Variants in RASAL1 observed in about 807,000 individuals in gnomAD.
RASAL1 encodes the protein rasGAP-activating-like protein 1.
Under a neutral mutation model 96.6 loss-of-function variants are expected in RASAL1, and 72 were observed. The ratio of observed to expected loss-of-function variants is 0.75; its 90% confidence interval spans 0.62 to 0.91. The LOEUF (loss-of-function observed/expected upper bound fraction) is 0.91, where lower values mean the gene tolerates loss of function less well. Ranked by LOEUF, RASAL1 falls within the 40% of genes least tolerant of loss-of-function variation. RASAL1 has a pLI of 0.00. For synonymous variants in RASAL1, 405 were observed against 430.4 expected, an observed-to-expected ratio of 0.94 and a Z score of 0.73; for missense variants, 1,016 against 1,072.5, an observed-to-expected ratio of 0.95 and a Z score of 0.74.
intron 12 of RASAL1, among the ~76,000 whole-genome samples, chr12:113,114,483 A>G (rs1004299229): frequency 1.2e-4 from 18 of 152,114 alleles, no homozygotes; most frequent in Admixed American, 4.6e-4. Context: ...CAAAAAAAAA[A>G]AAAAAAGAAA....
chr12:113,108,965 G>A (rs767182597), intron 13 of RASAL1, among the ~76,000 whole-genome samples: 24 of 151,082 alleles, frequency 1.6e-4, no homozygotes, highest in Admixed American at 3.3e-4. Flanking sequence ...CTCCCAAGTA[G>A]CTGGGATTAC....
rs552481394 is a variant in RASAL1 at position 113,101,873 on chromosome 12, G to A, written c.2225+16C>T. ...CTGGTCATAGGAGGTGAAGTGGGAT[G>A]GGTGGGGGCACCCACCTGAGCTGGT... On this transcript the variant is annotated intron_variant, in intron 19 of 20. Transcript: ENST00000548055. 1.9e-6 allele frequency: 3 copies of A among 1,610,774 alleles called. No homozygotes were observed. In the African/African-American group the frequency reaches 4.0e-5, roughly 21 times the overall value.
At chr12:113,109,375 G>A (rs1950778496) in intron 13 of RASAL1, among the ~76,000 whole-genome samples, 1 of 152,132 alleles carries the variant, frequency 6.6e-6, no homozygotes, top group Non-Finnish European at 1.5e-5. Flanking sequence ...AACCCAGTCT[G>A]ATGGGCTCCA....
intron 18 of RASAL1, chr12:113,103,690 C>G (rs2136101307): frequency 3.5e-6 from 2 of 566,974 alleles, no homozygotes; most frequent in East Asian, 6.0e-5. Flanking sequence ...ATGCTGGCAC[C>G]TAGTGAGTAC....
At chr12:113,124,187 C>T (rs925927067) in intron 4 of RASAL1, among the ~76,000 whole-genome samples, 1 of 147,392 alleles carries the variant, frequency 6.8e-6, no homozygotes, top group Non-Finnish European at 1.5e-5. Context: ...CACTACACTC[C>T]AGCCTGGGTG....
At position 113,115,594 on chromosome 12, in the gene RASAL1, C is replaced by A; in HGVS notation, c.1003+41G>T. On this transcript the variant is annotated intron_variant, in intron 10 of 20. Transcript: ENST00000548055. The surrounding 1 kb of genome is among the most constrained non-coding windows in gnomAD (Gnocchi z 4.1). ...CCCCAGGACCCTCCTGCAAGCCCAC[C>A]ATTGAGGGCGGTGATGTCGGGGGTT... is the stretch of plus-strand genomic sequence containing the variant. 1 of 1,603,316 alleles carries A rather than the reference C, an allele frequency of 6.2e-7. No individual in the cohort carries two copies. Among genetic ancestry groups the A allele is most frequent in the South Asian group, 1.1e-5 (1 of 89,488 alleles).
chr12:113,132,112 C>G (rs1342410681), intron 1 of RASAL1, among the ~76,000 whole-genome samples: 2 of 151,856 alleles, frequency 1.3e-5, no homozygotes, highest in Non-Finnish European at 2.9e-5. Context: ...GCTGGGATTA[C>G]AGGCACACAC....
chr12:113,104,251 TA>T lies in RASAL1; in HGVS notation c.1877del (p.Val626GlufsTer11), dbSNP rs1950567261. 6.3e-7 allele frequency: 1 copy of T among 1,598,028 alleles called. No homozygotes were observed. Among genetic ancestry groups the T allele is most frequent in the South Asian group, 1.1e-5 (1 of 88,766 alleles). On this transcript the variant is annotated frameshift_variant, in exon 17 of 21. Transcript: ENST00000548055. LOFTEE classifies it high-confidence loss of function. ...GGGGCAGTTGGAAGGCGCCCTCGTC[TA>T]CGCGCTCCACGGCGCGGATGTGAGA... ...PVSHIRAVER[V>X]DEGAFQLPHV...
In RASAL1 at chr12:113,105,828, A is replaced by G. The variant is rs746528318; in HGVS notation, c.1716T>C (p.Tyr572=). The G allele has an allele frequency of 5.0e-6, 8 of 1,614,158 alleles. No individual in the cohort carries two copies. In the East Asian group the frequency reaches 1.8e-4, roughly 36 times the overall value. The change falls in exon 16 of 21, where the codon TAT becomes TAC. Residue 572 remains tyrosine, a synonymous_variant. Transcript: ENST00000548055. ...CAGGCTCCTCCTTGCGCTTCAGCAGATAGCCTTCTCGAACAATGGCCGAGG... is the reference window on the plus strand; with the variant it reads ...CAGGCTCCTCCTTGCGCTTCAGCAGGTAGCCTTCTCGAACAATGGCCGAGG... ...FPPSAIVREG[Y]LLKRKEEPAG... is the part of the protein sequence containing the mutation.
rs1270622378 is a variant in RASAL1, at chr12:113,099,945, C to A, written c.2402G>T (p.Gly801Val). The A allele has an allele frequency of 6.2e-7, 1 of 1,611,946 alleles. No homozygotes were observed. Among genetic ancestry groups the A allele is most frequent in the Non-Finnish European group, 8.5e-7 (1 of 1,178,974 alleles). ...QQQERGKAAL[G>V]PLGP ...GGCATTTCCTTAGGGGCCAAGGGGG[C>A]CCAGGGCCGCCTTCCCTCGCTCCTG... Residue 801 changes from glycine to valine, a missense_variant, in exon 21 of 21, where the codon GGC (glycine) becomes GTC (valine). By Grantham distance (109) the Gly-to-Val change is moderately radical. Coordinates refer to ENST00000548055, the MANE Select transcript of RASAL1 (RefSeq NM_001301202.2).
chr12:113,136,749 C>A (rs183470992), upstream of RASAL1, among the ~76,000 whole-genome samples: 2 of 152,354 alleles, frequency 1.3e-5, no homozygotes, highest in South Asian at 2.1e-4. Context: ...ACCTAATACA[C>A]GTCCAGAAAG....
intron 1 of RASAL1, among the ~76,000 whole-genome samples, chr12:113,131,486 G>A (rs1791844574): frequency 6.6e-6 from 1 of 152,114 alleles, no homozygotes; most frequent in South Asian, 2.1e-4. Context: ...TTCAATGGGA[G>A]CTTCCCTGGG....
At chr12:113,112,896 G>C (rs536866648) in intron 12 of RASAL1, among the ~76,000 whole-genome samples, 2 of 152,216 alleles carry the variant, frequency 1.3e-5, no homozygotes, top group African/African-American at 4.8e-5. Context: ...AGGTTGCAGT[G>C]AGTCGAGATC....
chr12:113,119,222 A>G lies in RASAL1; in HGVS notation c.548T>C (p.Val183Ala), dbSNP rs1566059242. The G allele has an allele frequency of 3.1e-6, 5 of 1,613,892 alleles. No individual in the cohort carries two copies. The highest frequency in any genetic ancestry group is 4.2e-6 in the Non-Finnish European group (5 of 1,179,808). Reference sequence around the variant, plus strand: ...ACCTGGCATCTCCCGCAGCTCCAGCACTTCATCCCAGTGCGGGAAGCGAGT... The same window carrying G: ...ACCTGGCATCTCCCGCAGCTCCAGCGCTTCATCCCAGTGCGGGAAGCGAGT... ...KKTRFPHWDEVLELREMPGAP... is the reference protein window; with the variant it reads ...KKTRFPHWDEALELREMPGAP... The change falls in exon 7 of 21, where the codon GTG (valine) becomes GCG (alanine). Residue 183 changes from valine to alanine, a missense_variant. Physicochemically the swap from Val to Ala is moderately conservative, Grantham distance 64. Transcript: ENST00000548055.
chr12:113,120,069 A>G (rs114567810), intron 5 of RASAL1, among the ~76,000 whole-genome samples: 2,628 of 152,248 alleles, frequency 0.017, 62 homozygotes, highest in African/African-American at 0.059. Context: ...ATTGGTTGCC[A>G]TGACAACCCA....
chr12:113,135,434 C>T lies in RASAL1; in HGVS notation c.29G>A (p.Arg10His). ...AGGCAGCGCGCGGCCCTCCACCACGCGAACATTCAGGGAGCTGCTCTTGGC... is the reference window on the plus strand; with the variant it reads ...AGGCAGCGCGCGGCCCTCCACCACGTGAACATTCAGGGAGCTGCTCTTGGC... MAKSSSLNV[R>H]VVEGRALPAK... The change falls in exon 1 of 21, where the codon CGC (arginine) becomes CAC (histidine). Residue 10 changes from arginine (R) to histidine (H), a missense_variant. Physicochemically the swap from Arg to His is conservative, Grantham distance 29. Coordinates refer to ENST00000548055, the MANE Select transcript of RASAL1 (RefSeq NM_001301202.2). The surrounding 1 kb of genome is among the most constrained non-coding windows in gnomAD (Gnocchi z 5.7). 2 of 1,610,172 alleles carry T rather than the reference C, an allele frequency of 1.2e-6. No homozygotes were observed. Among genetic ancestry groups the T allele is most frequent in the Non-Finnish European group, 8.5e-7 (1 of 1,178,782 alleles).
intron 20 of RASAL1, 44 bp from the exon 21 acceptor site, chr12:113,100,112 G>A (rs780898456): frequency 6.5e-7 from 1 of 1,532,574 alleles, no homozygotes; most frequent in South Asian, 1.2e-5. Context: ...CCAGTCCAGG[G>A]CAGGCTGCTG....
Position 113,130,767 on chromosome 12 carries a change from G to C in RASAL1, c.122+118C>G. ...CTGGACACAAATCACCCACCTGCAGGCCCGCGAGTCCCCCTCAGGGTAAGC... is the reference window on the plus strand; with the variant it reads ...CTGGACACAAATCACCCACCTGCAGCCCCGCGAGTCCCCCTCAGGGTAAGC... On this transcript the variant is annotated intron_variant, in intron 2 of 20. Coordinates refer to ENST00000548055, the MANE Select transcript of RASAL1 (RefSeq NM_001301202.2). This position sits in a 1 kb window ranked among gnomAD's most constrained non-coding sequence, Gnocchi z 5.1. 1 of 783,548 alleles carries C rather than the reference G, an allele frequency of 1.3e-6. No individual in the cohort carries two copies. Among genetic ancestry groups the C allele is most frequent in the Non-Finnish European group, 2.0e-6 (1 of 494,898 alleles). The allele number at this position is 783,548 out of a possible 1,614,324, so 48.5% of individuals were successfully genotyped here. A position where few individuals can be genotyped will look rare whatever the true frequency, so the allele number is the denominator to read the frequency against.
In RASAL1 at chr12:113,115,484, C is replaced by T. The variant is rs1401820039; in HGVS notation, c.1003+151G>A. The T allele has an allele frequency of 8.5e-6, 10 of 1,180,652 alleles. No individual in the cohort carries two copies. The highest frequency in any genetic ancestry group is 1.1e-5 in the Non-Finnish European group (9 of 850,284). The allele number at this position is 1,180,652 out of a possible 1,614,324, so 73.1% of individuals were successfully genotyped here. ...GCCAGGGCCTGAACCTGCAATTGGG[C>T]TCCCAACTGTCTGGAGGTGCACAGC... On this transcript the variant is annotated intron_variant, in intron 10 of 20. Transcript: ENST00000548055. This position sits in a 1 kb window ranked among gnomAD's most constrained non-coding sequence, Gnocchi z 4.1.
Sources: gnomAD v4.1 joint callset for allele counts (sites outside exome capture counted in the v4.1 genomes callset) on GRCh38, gnomAD v4.1.1 for gene constraint, Gnocchi (gnomAD v3.1) non-coding constraint, MANE v1.5 for transcripts, NCBI Gene and HGNC (gene_info 2026-07-23, HGNC 2026-07-21) for gene names.